ARFIP1: variants seen among roughly 807,000 people sequenced by gnomAD.
ARFIP1 encodes arfaptin-1.
In ARFIP1, 24 loss-of-function variants were observed where a neutral mutation model predicts 42.5. That is an observed-to-expected ratio of 0.57 (90% CI 0.41 to 0.80). The LOEUF is 0.80. ARFIP1 is among the 30% of genes least tolerant of loss of function. The probability of loss-of-function intolerance (pLI) is 0.00; values close to 1 mark genes in which losing one functional copy is unlikely to be tolerated. For synonymous variants in ARFIP1, 141 were observed against 153.7 expected (o/e 0.92, Z 0.61); for missense variants, 354 against 434.0 (o/e 0.82, Z 1.64).
At chr4:152,838,907 G>A (rs1325579592) in intron 2 of ARFIP1, among the ~76,000 whole-genome samples, 1 of 152,086 alleles carries the variant, frequency 6.6e-6, no homozygotes, top group Non-Finnish European at 1.5e-5. Context: ...TATTATGTTG[G>A]CTGTGGGGTT....
intron 6 of ARFIP1, among the ~76,000 whole-genome samples, chr4:152,882,109 G>T (rs547388538): frequency 6.6e-6 from 1 of 152,230 alleles, no homozygotes; most frequent in Admixed American, 6.5e-5. Flanking sequence ...ATATCTGAAG[G>T]AGTCATGTGT....
At chr4:152,803,445 G>T (rs1309014954) in intron 1 of ARFIP1, among the ~76,000 whole-genome samples, 1 of 152,134 alleles carries the variant, frequency 6.6e-6, no homozygotes, top group East Asian at 1.9e-4. Flanking sequence ...ATTGTACAAT[G>T]TTTTCCAGCA....
chr4:152,781,186 T>G (rs1730464126), intron 1 of ARFIP1, among the ~76,000 whole-genome samples: 1 of 152,134 alleles, frequency 6.6e-6, no homozygotes, highest in African/African-American at 2.4e-5. Flanking sequence ...AATGGTTACC[T>G]TAAGTCAGCC....
chr4:152,820,045 C>T (rs765986529), intron 1 of ARFIP1, among the ~76,000 whole-genome samples: 16 of 152,120 alleles, frequency 1.1e-4, no homozygotes, highest in Non-Finnish European at 5.9e-5. Context: ...TGTCTGTGAT[C>T]TGAATAGCTG....
chr4:152,795,714 A>T (rs1357356661), intron 1 of ARFIP1, among the ~76,000 whole-genome samples: 2 of 151,160 alleles, frequency 1.3e-5, no homozygotes, highest in African/African-American at 4.9e-5. Flanking sequence ...ATATTTTAAA[A>T]TTTTTGCGAG....
intron 3 of ARFIP1, among the ~76,000 whole-genome samples, chr4:152,866,863 G>A (rs1013025350): frequency 1.3e-5 from 2 of 151,990 alleles, no homozygotes; most frequent in South Asian, 2.1e-4. Flanking sequence ...CAGACGGGGC[G>A]GCGGGGCAGA....
intron 7 of ARFIP1, among the ~76,000 whole-genome samples, chr4:152,883,090 A>G (rs1289240489): frequency 1.3e-5 from 2 of 152,188 alleles, no homozygotes; most frequent in Admixed American, 1.3e-4. Context: ...GTTAAGCCTC[A>G]GAAGAATCTA....
chr4:152,893,203 C>A (rs1031959367), intron 8 of ARFIP1, among the ~76,000 whole-genome samples: 3 of 152,128 alleles, frequency 2.0e-5, no homozygotes, highest in Non-Finnish European at 2.9e-5. Context: ...TAGAGGCGCA[C>A]TACAGGGATT....
chr4:152,806,232 A>G (rs1285071794), intron 1 of ARFIP1, among the ~76,000 whole-genome samples: 1 of 152,234 alleles, frequency 6.6e-6, no homozygotes, highest in Non-Finnish European at 1.5e-5. Context: ...TTTGTAAATG[A>G]CACTTAGAAC....
At chr4:152,816,317 C>G (rs1414431247) in intron 1 of ARFIP1, among the ~76,000 whole-genome samples, 3 of 152,234 alleles carry the variant, frequency 2.0e-5, no homozygotes, top group African/African-American at 7.2e-5. Context: ...CACGTTCTTG[C>G]CACTGGCCAT....
At chr4:152,908,101 A>G (rs7657803) in intron 8 of ARFIP1, among the ~76,000 whole-genome samples, 103,556 of 152,038 alleles carry the variant, frequency 0.68, 35,664 homozygotes, top group African/African-American at 0.77. Flanking sequence ...TCCTAATGAG[A>G]CTAGATATCT....
intron 8 of ARFIP1, among the ~76,000 whole-genome samples, chr4:152,904,231 A>G (rs1579050161): frequency 6.9e-6 from 1 of 145,766 alleles, no homozygotes; most frequent in Non-Finnish European, 1.5e-5. Flanking sequence ...TCGCTCTGTC[A>G]CCAGGCTGGA....
At chr4:152,804,108 A>T (rs1290045842) in intron 1 of ARFIP1, among the ~76,000 whole-genome samples, 1 of 121,722 alleles carries the variant, frequency 8.2e-6, no homozygotes, top group Non-Finnish European at 1.6e-5. Flanking sequence ...TATTATATAT[A>T]ATATAACATG....
chr4:152,872,389 T>C, intron 4 of ARFIP1, 63 bp from the exon 5 acceptor site: 1 of 1,085,886 alleles, frequency 9.2e-7, no homozygotes, highest in Non-Finnish European at 1.4e-6. Context: ...AATATCAGGG[T>C]TTTGTTTTCT....
intron 3 of ARFIP1, 55 bp downstream of exon 3, chr4:152,863,769 C>A: frequency 9.3e-7 from 1 of 1,080,856 alleles, no homozygotes; most frequent in Non-Finnish European, 1.4e-6. Context: ...GAGAAGTTCA[C>A]CAAATGCTAC....
intron 1 of ARFIP1, among the ~76,000 whole-genome samples, chr4:152,783,011 A>G (rs1730592485): frequency 6.6e-6 from 1 of 152,098 alleles, no homozygotes; most frequent in Non-Finnish European, 1.5e-5. Context: ...ACATAAGTTT[A>G]TAGAGAATAG....
intron 8 of ARFIP1, among the ~76,000 whole-genome samples, chr4:152,908,948 G>A (rs557670030): frequency 3.0e-4 from 44 of 148,346 alleles, no homozygotes; most frequent in Non-Finnish European, 5.2e-4. Context: ...GTGTAATATA[G>A]TGAAACAAAT....
intron 1 of ARFIP1, among the ~76,000 whole-genome samples, chr4:152,785,207 A>G (rs1730729888): frequency 6.6e-6 from 1 of 152,210 alleles, no homozygotes; most frequent in East Asian, 1.9e-4. Flanking sequence ...GAAAAGGAAT[A>G]TGTTACTCTG....
intron 4 of ARFIP1, among the ~76,000 whole-genome samples, chr4:152,871,401 T>C (rs1387024212): frequency 6.6e-6 from 1 of 152,198 alleles, no homozygotes; most frequent in East Asian, 1.9e-4. Flanking sequence ...ACTTTACCGT[T>C]ACTGGACTAT....
Sources: allele counts gnomAD v4.1 joint callset (sites outside exome capture counted in the v4.1 genomes callset), GRCh38; gene constraint gnomAD v4.1.1; transcripts MANE v1.5; gene names NCBI Gene and HGNC (gene_info 2026-07-23, HGNC 2026-07-21).